SPG7: variants seen among roughly 807,000 people sequenced by gnomAD.
SPG7 encodes the protein mitochondrial inner membrane m-AAA protease component paraplegin.
In SPG7, 103 loss-of-function variants were observed where a neutral mutation model predicts 81.9. The ratio of observed to expected loss-of-function variants is 1.26; its 90% CI spans 1.07 to 1.48. The LOEUF is 1.48. Ranked by LOEUF, SPG7 falls within the 40% of genes most tolerant of loss-of-function variation. The pLI is 0.00. For missense variants in SPG7, 1,241 were observed against 1,087.3 expected, an observed-to-expected ratio of 1.14 and a Z score of -1.99; for synonymous variants, 534 against 444.2, an observed-to-expected ratio of 1.20 and a Z score of -2.54.
Position 89,532,378 on chromosome 16 carries a change from G to A in SPG7, c.1151-85G>A, listed in dbSNP as rs755010897. ...GCTGGTAGCTTTAGTTGTCCTTGGT[G>A]TAGAACTTTGTCTGGCCCGGGTACA... On this transcript the variant is annotated intron_variant, in intron 8 of 16. Transcript: ENST00000645818. The A allele has an allele frequency of 1.6e-4, 241 of 1,495,576 alleles. 2 individuals are homozygous for A. The highest frequency in any genetic ancestry group is 5.1e-4 in the Middle Eastern group (3 of 5,858). The allele number at this position is 1,495,576 out of a possible 1,614,324, so 92.6% of individuals were successfully genotyped here. A position where few individuals can be genotyped will look rare whatever the true frequency, so the allele number is the denominator to read the frequency against.
At chr16:89,510,759 G>A (rs1442779758) in intron 2 of SPG7, among the ~76,000 whole-genome samples, 167 bp downstream of exon 2, 2 of 152,092 alleles carry the variant, frequency 1.3e-5, no homozygotes, top group African/African-American at 2.4e-5. Context: ...AGAACTCCTG[G>A]GCTCAAGGGA....
intron 9 of SPG7, chr16:89,541,420 G>A (rs1597649388): frequency 3.8e-6 from 3 of 780,104 alleles, no homozygotes; most frequent in Middle Eastern, 6.5e-4. Context: ...TTCTGGGGAT[G>A]GAGAACGGGT....
Position 89,556,305 on chromosome 16 carries a change from TAACAAC to T in SPG7, c.2182-570_2182-565del, listed in dbSNP as rs10598151. On this transcript the variant is annotated intron_variant, in intron 16 of 16. Coordinates refer to ENST00000645818, the MANE Select transcript of SPG7 (RefSeq NM_003119.4). ...AAGAGTGAGGAAAGGAGCAGGTAAT[TAACAAC>T]AACAACAACAAAAAATCTGGAAGAG... 2.1e-5 allele frequency: 8 copies of T among 386,696 alleles called. No homozygotes were observed. The Admixed American group carries it at 2.2e-4, about 10-fold the overall frequency. 24.0% of individuals were successfully genotyped at this position (386,696 alleles called of 1,614,324 possible).
In SPG7 at chr16:89,544,742, G is replaced by A. The variant is rs764199066; in HGVS notation, c.1419G>A (p.Arg473=). Reference sequence around the variant, plus strand: ...TGATGAGGCCAGGCCGACTGGACCGGCACGTCTTCATTGATCTCCCCACGC... The same window carrying A: ...TGATGAGGCCAGGCCGACTGGACCGACACGTCTTCATTGATCTCCCCACGC... ...GALMRPGRLD[R]HVFIDLPTLQ... The change falls in exon 10 of 17, where the codon CGG becomes CGA. Residue 473 remains arginine (R), a synonymous_variant. Transcript: ENST00000645818. 4 of 1,613,998 alleles carry A rather than the reference G, an allele frequency of 2.5e-6. No individual in the cohort carries two copies. The highest frequency in any genetic ancestry group is 3.4e-6 in the Non-Finnish European group (4 of 1,180,012).
chr16:89,553,535 A>C (rs1263131461), intron 14 of SPG7: 1 of 557,340 alleles, frequency 1.8e-6, no homozygotes, highest in East Asian at 3.1e-5. Context: ...CTTGTGCTTG[A>C]GAACTGCCAT....
At chr16:89,530,147 TTG>T (rs76599117) in intron 6 of SPG7, 4,300 of 197,334 alleles carry the variant, frequency 0.022, 164 homozygotes, top group African/African-American at 0.1. Flanking sequence ...CCTTTCTTTT[TTG>T]TGTGTGTGTG....
In SPG7 at chr16:89,556,868, C is replaced by G; in HGVS notation, c.2182-19C>G. 6.3e-7 allele frequency: 1 copy of G among 1,595,626 alleles called. No homozygotes were observed. Among genetic ancestry groups the G allele is most frequent in the Non-Finnish European group, 8.6e-7 (1 of 1,163,500 alleles). ...GTCTGCCCTGGGGACTCACACACTG[C>G]TATGCCTGTTCTTTCTAGCTGGCAA... is the stretch of plus-strand genomic sequence containing the variant. On this transcript the variant is annotated intron_variant, in intron 16 of 16. Coordinates refer to ENST00000645818, the MANE Select transcript of SPG7 (RefSeq NM_003119.4).
At chr16:89,550,096 G>A (rs531708671) in intron 12 of SPG7, 2 of 329,320 alleles carry the variant, frequency 6.1e-6, no homozygotes, top group South Asian at 2.5e-5. Context: ...GCAGAGAGAG[G>A]CTTGCTTTGA....
chr16:89,523,737 T>C, intron 3 of SPG7: 1 of 582,422 alleles, frequency 1.7e-6, no homozygotes, highest in Non-Finnish European at 3.2e-6. Flanking sequence ...TCTAAGTGTT[T>C]CGATTTAGAA....
chr16:89,545,065 C>G (rs2058546426), intron 10 of SPG7: 1 of 459,774 alleles, frequency 2.2e-6, no homozygotes, highest in African/African-American at 2.0e-5. Context: ...TATTGGTTTT[C>G]CTTTTATCCT....
Position 89,529,514 on chromosome 16 carries a change from G to A in SPG7, c.796G>A (p.Ala266Thr), listed in dbSNP as rs1460394017. The stretch of plus-strand genomic sequence containing the variant: ...TGTGGGGATGACGGCAGTGGGCCTG[G>A]CCATCCTGTGGTATGTTTTCCGTCT... ...YSVGMTAVGLAILWYVFRLAG... is the reference protein window; with the variant it reads ...YSVGMTAVGLTILWYVFRLAG... Residue 266 changes from alanine to threonine, a missense_variant, in exon 6 of 17, where the codon GCC becomes ACC. Coordinates refer to ENST00000645818, the MANE Select transcript of SPG7 (RefSeq NM_003119.4). The A allele has an allele frequency of 5.0e-6, 8 of 1,613,838 alleles. No individual in the cohort carries two copies. The highest frequency in any genetic ancestry group is 1.7e-5 in the Admixed American group (1 of 59,970).
chr16:89,512,377 G>A (rs1225405689), intron 2 of SPG7, among the ~76,000 whole-genome samples: 1 of 151,936 alleles, frequency 6.6e-6, no homozygotes, highest in Non-Finnish European at 1.5e-5. Flanking sequence ...GTGCAGTGGT[G>A]TGATCTCAGC....
At chr16:89,550,048 T>G (rs748312739) in intron 12 of SPG7, 20 of 265,678 alleles carry the variant, frequency 7.5e-5, no homozygotes, top group Non-Finnish European at 1.2e-4. Flanking sequence ...TGAGTTGGGG[T>G]GTCCAGAGCC....
rs1279382024 is a variant in SPG7, at chr16:89,542,265, C to G, written c.1325-2383C>G. 4 of 152,256 alleles carry G rather than the reference C, an allele frequency of 2.6e-5. No homozygotes were observed. In the East Asian group the frequency reaches 5.8e-4, roughly 22 times the overall value. 9.4% of individuals were successfully genotyped at this position (152,256 alleles called of 1,614,324 possible). ...CCCTGGCCTCTGCAAGGAAGGCGCTCCACGACACTGAGCAGTAAGCCTTGG... is the reference window on the plus strand; with the variant it reads ...CCCTGGCCTCTGCAAGGAAGGCGCTGCACGACACTGAGCAGTAAGCCTTGG... On this transcript the variant is annotated intron_variant, in intron 9 of 16. Transcript: ENST00000645818.
At position 89,512,947 on chromosome 16, in the gene SPG7, G is replaced by C. The variant is rs371321714; in HGVS notation, c.287-1G>C. 1 of 1,613,056 alleles carries C rather than the reference G, an allele frequency of 6.2e-7. No homozygotes were observed. Among genetic ancestry groups the C allele is most frequent in the African/African-American group, 1.3e-5 (1 of 75,006 alleles). ...TTAAATCCTTTCTCTATTTCTCATA[G>C]GTGGTACTTTCTATTTTAACACCTC... On this transcript the variant is annotated splice_acceptor_variant, in intron 2 of 16. Transcript: ENST00000645818. LOFTEE classifies it high-confidence loss of function.
At chr16:89,535,704 C>T (rs2058404586) in intron 9 of SPG7, among the ~76,000 whole-genome samples, 2 of 152,202 alleles carry the variant, frequency 1.3e-5, no homozygotes, top group African/African-American at 4.8e-5. Context: ...TCAGGGACCC[C>T]ACCGCCTCTG....
chr16:89,547,147 A>C, intron 11 of SPG7: 1 of 262,278 alleles, frequency 3.8e-6, no homozygotes, highest in Non-Finnish European at 7.6e-6. Flanking sequence ...GTAGAAATAG[A>C]AATCATACCT....
rs1056428109 is a variant in SPG7 at position 89,544,674 on chromosome 16, G to A, written c.1351G>A (p.Val451Ile). ...DGMGTTDHVIVLASTNRADIL... is the reference protein window; with the variant it reads ...DGMGTTDHVIILASTNRADIL... ...AATGGGTACCACAGACCATGTCATCGTCCTGGCGTCCACGAACCGAGCTGA... is the reference window on the plus strand; with the variant it reads ...AATGGGTACCACAGACCATGTCATCATCCTGGCGTCCACGAACCGAGCTGA... The change falls in exon 10 of 17, where the codon GTC (valine) becomes ATC (isoleucine). Residue 451 changes from valine (V) to isoleucine (I), a missense_variant. Transcript: ENST00000645818. 9.9e-6 allele frequency: 16 copies of A among 1,614,078 alleles called. No homozygotes were observed. Among genetic ancestry groups the A allele is most frequent in the Middle Eastern group, 3.3e-4 (2 of 6,062 alleles).
At chr16:89,544,972 C>G in intron 10 of SPG7, 200 bp downstream of exon 10, 1 of 654,050 alleles carries the variant, frequency 1.5e-6, no homozygotes, top group Non-Finnish European at 2.7e-6. Context: ...CTGCTGTGGC[C>G]CCCACATTGG....
Sources: gnomAD v4.1 joint callset for allele counts (sites outside exome capture counted in the v4.1 genomes callset) on GRCh38, gnomAD v4.1.1 for gene constraint, MANE v1.5 for transcripts, NCBI Gene and HGNC (gene_info 2026-07-23, HGNC 2026-07-21) for gene names.